TUBD1: variants seen among roughly 807,000 people sequenced by gnomAD.
TUBD1 encodes the protein tubulin delta 1, also known as tubulin delta chain.
Under a neutral mutation model 51.2 loss-of-function variants are expected in TUBD1, and 38 were observed. That is an observed-to-expected ratio of 0.74 (90% CI 0.57 to 0.97). TUBD1 has a LOEUF of 0.97. Among genes scored for constraint, TUBD1 ranks in the 50% least tolerant of loss-of-function variants. TUBD1 has a pLI of 0.00. For missense variants in TUBD1, 489 were observed against 538.4 expected (o/e 0.91, Z 0.91); for synonymous variants, 169 against 178.2 (o/e 0.95, Z 0.41).
intron 7 of TUBD1, 122 bp from the exon 8 acceptor site, chr17:59,863,969 T>A: frequency 1.1e-6 from 1 of 881,760 alleles, no homozygotes; most frequent in Non-Finnish European, 1.6e-6. Context: ...TTAAAACTTG[T>A]GATGGCTGGT....
Position 59,891,060 on chromosome 17 carries a change from C to A in TUBD1, c.-39-19G>T. 7.3e-7 allele frequency: 1 copy of A among 1,361,470 alleles called. No homozygotes were observed. The highest frequency in any genetic ancestry group is 1.0e-6 in the Non-Finnish European group (1 of 984,652). The allele number at this position is 1,361,470 out of a possible 1,614,324, so 84.3% of individuals were successfully genotyped here. On this transcript the variant is annotated intron_variant, in intron 1 of 8. Coordinates refer to ENST00000325752, the MANE Select transcript of TUBD1 (RefSeq NM_016261.4). ...AAACAACCTGTAATCGAAAAAAATACGCTTTGAGAACCACTACATTACTAA... is the reference window on the plus strand; with the variant it reads ...AAACAACCTGTAATCGAAAAAAATAAGCTTTGAGAACCACTACATTACTAA...
rs1303523215 is a variant in TUBD1, at chr17:59,873,280, C to A, written c.934+1259G>T. Among the ~76,000 whole-genome samples, 3 of 150,572 alleles carry A rather than the reference C, an allele frequency of 2.0e-5. No individual in the cohort carries two copies. The Admixed American group carries it at 2.0e-4, about 10-fold the overall frequency. On this transcript the variant is annotated intron_variant, in intron 6 of 8. Transcript: ENST00000325752. ...TTGTTTTTTTTTTGAGAAAGGGTCT[C>A]ACTCTGTCACCCAGGCTGAAGTGCA...
At position 59,890,963 on chromosome 17, in the gene TUBD1, G is replaced by A. The variant is rs976876765; in HGVS notation, c.40C>T (p.Gln14Ter). 6.2e-7 allele frequency: 1 copy of A among 1,613,706 alleles called. No homozygotes were observed. The highest frequency in any genetic ancestry group is 8.5e-7 in the Non-Finnish European group (1 of 1,179,968). The change falls in exon 2 of 9, where the codon CAG (glutamine) becomes TAG (stop). Residue 14 changes from glutamine to a stop codon, truncating the protein, a stop_gained. Coordinates refer to ENST00000325752, the MANE Select transcript of TUBD1 (RefSeq NM_016261.4). LOFTEE classifies it high-confidence loss of function. The stretch of plus-strand genomic sequence containing the variant: ...GCATCAAAAACTTCAAAACCAATCT[G>A]ATTGCCACACTGACCAAGTTGCACT... ...VTVQLGQCGN[Q>*]IGFEVFDALL...
chr17:59,862,362 A>G (rs1330477750), intron 8 of TUBD1, among the ~76,000 whole-genome samples: 1 of 151,666 alleles, frequency 6.6e-6, no homozygotes, highest in Non-Finnish European at 1.5e-5. Context: ...AGCCTTGTCC[A>G]CTCATTTGAA....
intron 8 of TUBD1, among the ~76,000 whole-genome samples, chr17:59,862,021 G>A (rs927533992): frequency 1.7e-4 from 25 of 151,152 alleles, no homozygotes; most frequent in Admixed American, 1.4e-3. Flanking sequence ...TGGGGTATCC[G>A]AGCTAATGAA....
At chr17:59,861,805 T>C (rs1012208057) in intron 8 of TUBD1, among the ~76,000 whole-genome samples, 1 of 151,346 alleles carries the variant, frequency 6.6e-6, no homozygotes. Flanking sequence ...GTAGCTGGGA[T>C]TACAGGTGCC....
intron 3 of TUBD1, among the ~76,000 whole-genome samples, chr17:59,884,180 G>C (rs1381072903): frequency 6.6e-6 from 1 of 151,418 alleles, no homozygotes; most frequent in Non-Finnish European, 1.5e-5. Context: ...AGAATCACTT[G>C]AACCCGGGAG....
chr17:59,891,131 A>C, intron 1 of TUBD1, 90 bp from the exon 2 acceptor site: 1 of 720,792 alleles, frequency 1.4e-6, no homozygotes, highest in South Asian at 2.0e-5. Context: ...CATCAATAAA[A>C]AGTCTTTTTT....
At chr17:59,887,803 G>T (rs999307715) in intron 2 of TUBD1, among the ~76,000 whole-genome samples, 2 of 150,890 alleles carry the variant, frequency 1.3e-5, no homozygotes, top group African/African-American at 2.4e-5. Context: ...AATTTTTATT[G>T]TTTTTTTTTC....
rs761012485 is a variant in TUBD1 at position 59,886,191 on chromosome 17, T to G, written c.212A>C (p.Lys71Thr). ...ARAVLVDMEPKVINQMLSKAA... is the reference protein window; with the variant it reads ...ARAVLVDMEPTVINQMLSKAA... ...CTTTGACAGCATTTGATTGATAACT[T>G]TGGGTTCCATGTCAACAAGAACAGC... Residue 71 changes from lysine to threonine, a missense_variant, in exon 3 of 9, where the codon AAA becomes ACA. Lys to Thr is a moderately conservative substitution (Grantham distance 78). Coordinates refer to ENST00000325752, the MANE Select transcript of TUBD1 (RefSeq NM_016261.4). The G allele has an allele frequency of 6.2e-7, 1 of 1,613,748 alleles. No homozygotes were observed. The highest frequency in any genetic ancestry group is 1.3e-5 in the African/African-American group (1 of 74,852).
chr17:59,877,638 C>T (rs1330644045), intron 5 of TUBD1, among the ~76,000 whole-genome samples: 2 of 152,024 alleles, frequency 1.3e-5, no homozygotes, highest in Non-Finnish European at 1.5e-5. Context: ...CATGGTAGCA[C>T]GTGCCTATAG....
In TUBD1 at chr17:59,886,200, A is replaced by C; in HGVS notation, c.203T>G (p.Met68Arg). Residue 68 changes from methionine to arginine, a missense_variant, in exon 3 of 9, where the codon ATG (methionine) becomes AGG (arginine). Met to Arg is a moderately conservative substitution (Grantham distance 91). Coordinates refer to ENST00000325752, the MANE Select transcript of TUBD1 (RefSeq NM_016261.4). ...CATTTGATTGATAACTTTGGGTTCCATGTCAACAAGAACAGCCCGGGCAAT... is the reference window on the plus strand; with the variant it reads ...CATTTGATTGATAACTTTGGGTTCCCTGTCAACAAGAACAGCCCGGGCAAT... ...VPIARAVLVDMEPKVINQMLS... is the reference protein window; with the variant it reads ...VPIARAVLVDREPKVINQMLS... The C allele has an allele frequency of 6.2e-7, 1 of 1,613,790 alleles. No individual in the cohort carries two copies. The highest frequency in any genetic ancestry group is 8.5e-7 in the Non-Finnish European group (1 of 1,179,914).
intron 6 of TUBD1, 37 bp downstream of exon 6, chr17:59,874,502 C>T (rs1446079928): frequency 8.2e-6 from 13 of 1,588,282 alleles, no homozygotes; most frequent in African/African-American, 1.4e-5. Flanking sequence ...ACATTTTTTC[C>T]AGCTTGTGGG....
intron 5 of TUBD1, among the ~76,000 whole-genome samples, chr17:59,875,073 CTTTTTTT>C (rs10679203): frequency 1.1e-5 from 1 of 87,270 alleles, no homozygotes; most frequent in Admixed American, 1.6e-4. Flanking sequence ...TTGTTATATT[CTTTTTTT>C]TTTTTTTTTT....
chr17:59,885,894 T>C (rs1345678055), intron 3 of TUBD1, among the ~76,000 whole-genome samples, 189 bp downstream of exon 3: 1 of 152,208 alleles, frequency 6.6e-6, no homozygotes, highest in Admixed American at 6.6e-5. Flanking sequence ...ATTTCAACAT[T>C]ACCTGTACCT....
chr17:59,875,733 A>G (rs574087090), intron 5 of TUBD1, among the ~76,000 whole-genome samples: 2 of 150,636 alleles, frequency 1.3e-5, no homozygotes, highest in Non-Finnish European at 3.0e-5. Flanking sequence ...GCGACAAAGC[A>G]AGACTCTGTC....
chr17:59,862,820 G>C (rs1226849775), intron 8 of TUBD1, among the ~76,000 whole-genome samples: 2 of 146,158 alleles, frequency 1.4e-5, no homozygotes, highest in Non-Finnish European at 3.0e-5. Flanking sequence ...CGCCTCCCGG[G>C]TTCACGCCAT....
chr17:59,885,325 C>T (rs2040671870), intron 3 of TUBD1: 5 of 645,134 alleles, frequency 7.8e-6, no homozygotes, highest in Middle Eastern at 2.9e-4. Context: ...GATGCACTGG[C>T]AGCTAGACAT....
In TUBD1 at chr17:59,878,201, AAGG is replaced by A; in HGVS notation, c.668_670del (p.Ser223del). On this transcript the variant is annotated inframe_deletion, in exon 5 of 9. Coordinates refer to ENST00000325752, the MANE Select transcript of TUBD1 (RefSeq NM_016261.4). ...TGCGAGGACTTGATTGATATCACTA[AAGG>A]AGATCTGCTTGATATTCATCAGTTT... The A allele has an allele frequency of 3.1e-6, 5 of 1,614,170 alleles. No homozygotes were observed. Among genetic ancestry groups the A allele is most frequent in the Non-Finnish European group, 3.4e-6 (4 of 1,180,036 alleles).
Sources: allele counts gnomAD v4.1 joint callset (sites outside exome capture counted in the v4.1 genomes callset), GRCh38; gene constraint gnomAD v4.1.1; transcripts MANE v1.5; gene names NCBI Gene and HGNC (gene_info 2026-07-23, HGNC 2026-07-21).